PHF24: variants seen among roughly 807,000 people sequenced by gnomAD.
The protein encoded by PHF24 is Galpha inhibitory interacting protein.
Under a neutral mutation model 42.6 loss-of-function variants are expected in PHF24, and 25 were observed. The ratio of observed to expected loss-of-function variants is 0.59; its 90% CI spans 0.43 to 0.82. The LOEUF is 0.82. PHF24 is among the 40% of genes least tolerant of loss of function. The pLI, the probability that PHF24 is intolerant of heterozygous loss-of-function variation, is 0.00. For synonymous variants in PHF24, 185 were observed against 204.8 expected (o/e 0.90, Z 0.83); for missense variants, 470 against 538.1 (o/e 0.87, Z 1.25).
At chr9:34,824,004 G>A in the PHF24 span, among the ~76,000 whole-genome samples, 1 of 152,194 alleles carries the variant, frequency 6.6e-6, no homozygotes, top group Non-Finnish European at 1.5e-5. Context: ...CTAGGTTTGG[G>A]TGTTGCAAGA....
At chr9:34,929,678 G>GTATTGTCGCCCCC in the PHF24 span, among the ~76,000 whole-genome samples, 1 of 152,198 alleles carries the variant, frequency 6.6e-6, no homozygotes, top group Non-Finnish European at 1.5e-5. Context: ...GCAGCAATCT[G>GTATTGTCGCCCCC]TATTGTCGCC....
At chr9:34,748,489 G>T in the PHF24 span, among the ~76,000 whole-genome samples, 1 of 152,162 alleles carries the variant, frequency 6.6e-6, no homozygotes, top group South Asian at 2.1e-4. Flanking sequence ...CCACAGGCTT[G>T]CTTGTTTCAC....
At chr9:34,850,267 A>G in the PHF24 span, among the ~76,000 whole-genome samples, 1 of 152,094 alleles carries the variant, frequency 6.6e-6, no homozygotes, top group Non-Finnish European at 1.5e-5. Flanking sequence ...GTCTTTTCAC[A>G]TAGTCCCATA....
the PHF24 span, chr9:34,724,288 T>C: frequency 6.4e-7 from 1 of 1,551,358 alleles, no homozygotes; most frequent in African/African-American, 1.4e-5. Context: ...AACCCTGGGG[T>C]ACAGCTTTGG....
At chr9:34,746,204 GT>G in the PHF24 span, among the ~76,000 whole-genome samples, 1 of 152,186 alleles carries the variant, frequency 6.6e-6, no homozygotes, top group Non-Finnish European at 1.5e-5. Context: ...TACCATAGCA[GT>G]AAGTATGAAC....
intron 1 of PHF24, among the ~76,000 whole-genome samples, chr9:34,959,236 C>CT (rs1826505685): frequency 6.6e-6 from 1 of 152,194 alleles, no homozygotes; most frequent in African/African-American, 2.4e-5. Flanking sequence ...GGTGGAATAA[C>CT]TGACTTTGGC....
the PHF24 span, among the ~76,000 whole-genome samples, chr9:34,685,888 G>A: frequency 6.6e-6 from 1 of 152,146 alleles, no homozygotes; most frequent in African/African-American, 2.4e-5. Context: ...TCAGAGAAGT[G>A]GTATGTGTAA....
chr9:34,928,413 T>G, the PHF24 span, among the ~76,000 whole-genome samples: 3 of 152,168 alleles, frequency 2.0e-5, no homozygotes, highest in Non-Finnish European at 2.9e-5. Context: ...AAACATCTCA[T>G]GTACCCCATA....
chr9:34,707,354 C>T, the PHF24 span, among the ~76,000 whole-genome samples: 1 of 152,098 alleles, frequency 6.6e-6, no homozygotes, highest in Non-Finnish European at 1.5e-5. Flanking sequence ...CTCCCTTGGG[C>T]CTTGAGGTTT....
chr9:34,888,925 G>A, the PHF24 span: 1 of 396,382 alleles, frequency 2.5e-6, no homozygotes, highest in Non-Finnish European at 4.4e-6. Flanking sequence ...GGGGCTGGGA[G>A]GAGTCATGTG....
At chr9:34,816,627 A>C in the PHF24 span, among the ~76,000 whole-genome samples, 1 of 151,790 alleles carries the variant, frequency 6.6e-6, no homozygotes, top group African/African-American at 2.4e-5. Flanking sequence ...TTCTCTGGGG[A>C]CTCTTTTATA....
the PHF24 span, among the ~76,000 whole-genome samples, chr9:34,899,604 G>T: frequency 4.6e-5 from 7 of 152,190 alleles, no homozygotes; most frequent in African/African-American, 1.7e-4. Context: ...GTTCATTAAT[G>T]CCCAAGAGCT....
chr9:34,685,709 C>T, the PHF24 span, among the ~76,000 whole-genome samples: 1 of 152,168 alleles, frequency 6.6e-6, no homozygotes, highest in Non-Finnish European at 1.5e-5. Flanking sequence ...AATGATACCT[C>T]ATGGGATCGT....
chr9:34,863,191 T>C, the PHF24 span, among the ~76,000 whole-genome samples: 2 of 152,138 alleles, frequency 1.3e-5, no homozygotes, highest in Admixed American at 6.5e-5. Flanking sequence ...ACTGGGGGCT[T>C]GGAGGAACTT....
chr9:34,971,496 G>T, exon 2 of PHF24: 1 of 1,614,174 alleles, frequency 6.2e-7, no homozygotes, highest in African/African-American at 1.3e-5. Context: ...CAGGAACCTC[G>T]GTGGTCCAGG....
At chr9:34,731,538 G>C in the PHF24 span, among the ~76,000 whole-genome samples, 4 of 151,814 alleles carry the variant, frequency 2.6e-5, no homozygotes, top group Non-Finnish European at 5.9e-5. Flanking sequence ...ACAAATGAGT[G>C]AGAACATGCA....
the PHF24 span, among the ~76,000 whole-genome samples, chr9:34,751,699 G>C: frequency 1.3e-5 from 2 of 152,026 alleles, no homozygotes; most frequent in Non-Finnish European, 2.9e-5. Context: ...AGACCAAATG[G>C]ACCTCTAATG....
At chr9:34,936,152 T>G in the PHF24 span, among the ~76,000 whole-genome samples, 16 of 151,716 alleles carry the variant, frequency 1.1e-4, no homozygotes, top group Admixed American at 3.9e-4. Flanking sequence ...CCATCTCGGC[T>G]CACTGCAACC....
the PHF24 span, among the ~76,000 whole-genome samples, chr9:34,785,966 A>G: frequency 6.6e-6 from 1 of 152,206 alleles, no homozygotes; most frequent in African/African-American, 2.4e-5. Context: ...CAATGTTAAA[A>G]TTACTAGCTT....
Sources: gnomAD v4.1 joint callset for allele counts (sites outside exome capture counted in the v4.1 genomes callset) on GRCh38, gnomAD v4.1.1 for gene constraint, MANE v1.5 for transcripts, NCBI Gene and HGNC (gene_info 2026-07-23, HGNC 2026-07-21) for gene names.